RASSF8: variants seen among roughly 807,000 people sequenced by gnomAD.
The protein encoded by RASSF8 is Ras association domain family member 8.
In RASSF8, 22 loss-of-function variants were observed where a neutral mutation model predicts 48.5. The ratio of observed to expected loss-of-function variants is 0.45; its 90% CI spans 0.32 to 0.65. The LOEUF (loss-of-function observed/expected upper bound fraction) is 0.65. Ranked by LOEUF, RASSF8 falls within the 30% of genes least tolerant of loss-of-function variation. RASSF8 has a pLI of 0.03. For synonymous variants in RASSF8, 127 were observed against 171.5 expected (o/e 0.74, Z 2.03); for missense variants, 418 against 489.2 (o/e 0.85, Z 1.37).
chr12:26,059,187 G>A (rs1943684705), intron 3 of RASSF8, among the ~76,000 whole-genome samples: 1 of 152,104 alleles, frequency 6.6e-6, no homozygotes, highest in Admixed American at 6.6e-5. Context: ...TCTGCCCTCA[G>A]GCAGCTTAGA....
intron 1 of RASSF8, among the ~76,000 whole-genome samples, chr12:25,964,846 G>C (rs976997740): frequency 7.2e-5 from 11 of 152,120 alleles, no homozygotes; most frequent in African/African-American, 2.7e-4. Flanking sequence ...TTAAATGTCA[G>C]AATATCTTAT....
At chr12:26,030,300 T>G (rs1463904631) in intron 2 of RASSF8, among the ~76,000 whole-genome samples, 4 of 152,064 alleles carry the variant, frequency 2.6e-5, no homozygotes, top group Non-Finnish European at 5.9e-5. Context: ...GGTTTTTAAG[T>G]ATTTTCTGTG....
intron 3 of RASSF8, among the ~76,000 whole-genome samples, chr12:26,057,036 A>T (rs1056384021): frequency 6.6e-6 from 1 of 151,892 alleles, no homozygotes; most frequent in African/African-American, 2.4e-5. Flanking sequence ...AAAAAAAAGT[A>T]GTTTTTACAA....
intron 5 of RASSF8, among the ~76,000 whole-genome samples, chr12:26,078,837 C>A (rs576449978): frequency 3.8e-4 from 58 of 151,854 alleles, no homozygotes; most frequent in African/African-American, 1.4e-3. Flanking sequence ...GGACATTAAA[C>A]AAAAATAATT....
At chr12:25,985,303 A>C (rs1266643403) in intron 1 of RASSF8, among the ~76,000 whole-genome samples, 1 of 152,124 alleles carries the variant, frequency 6.6e-6, no homozygotes, top group African/African-American at 2.4e-5. Context: ...TATTATACCA[A>C]ATTATAGCTC....
chr12:25,963,239 GT>G (rs202041353), intron 1 of RASSF8, among the ~76,000 whole-genome samples: 11 of 138,688 alleles, frequency 7.9e-5, no homozygotes, highest in Admixed American at 7.6e-4. Context: ...GAGAGGAGGA[GT>G]TTTTTTTAAA....
At position 25,984,224 on chromosome 12, in the gene RASSF8, CT is replaced by C. The variant is rs57275940; in HGVS notation, c.-202-10787del. ...TACAGATGTGCACTGCTACACGTAGCTTTTTTTTTTTTTTTTTTTTTTTTTT... is the reference window on the plus strand; with the variant it reads ...TACAGATGTGCACTGCTACACGTAGCTTTTTTTTTTTTTTTTTTTTTTTTT... On this transcript the variant is annotated intron_variant, in intron 1 of 5. Transcript: ENST00000689635. 9.4e-3 allele frequency among the ~76,000 whole-genome samples: 815 copies of C among 86,716 alleles called. 3 individuals carry two copies. The highest frequency in any genetic ancestry group is 0.028 in the African/African-American group (615 of 22,150). The allele number at this position is 86,716 out of a possible 152,430, so 56.9% of individuals were successfully genotyped here. A position where few individuals can be genotyped will look rare whatever the true frequency, so the allele number is the denominator to read the frequency against.
At chr12:26,019,052 A>G (rs1294054163) in intron 2 of RASSF8, among the ~76,000 whole-genome samples, 1 of 152,194 alleles carries the variant, frequency 6.6e-6, no homozygotes, top group Non-Finnish European at 1.5e-5. Context: ...CATAGGTGGC[A>G]TGGGGATGGA....
At chr12:26,014,571 AT>A (rs1242484804) in intron 2 of RASSF8, among the ~76,000 whole-genome samples, 1 of 151,942 alleles carries the variant, frequency 6.6e-6, no homozygotes, top group African/African-American at 2.4e-5. Context: ...TCCATGTCAA[AT>A]TTTTTTTCAG....
intron 2 of RASSF8, among the ~76,000 whole-genome samples, chr12:26,039,827 A>C (rs185860314): frequency 6.6e-6 from 1 of 152,340 alleles, no homozygotes; most frequent in Admixed American, 6.5e-5. Flanking sequence ...TGTTTAAATA[A>C]AAGGTATAAC....
chr12:26,001,750 C>T (rs1485870820), intron 2 of RASSF8, among the ~76,000 whole-genome samples: 1 of 151,698 alleles, frequency 6.6e-6, no homozygotes, highest in Non-Finnish European at 1.5e-5. Flanking sequence ...TGGAATACCT[C>T]CTGAAGGACC....
At position 26,055,272 on chromosome 12, in the gene RASSF8, C is replaced by A; in HGVS notation, c.-72C>A. On this transcript the variant is annotated 5_prime_UTR_variant, in exon 3 of 6. Transcript: ENST00000689635. Reference sequence around the variant, plus strand: ...GACTTAGTCTTCTCCACTCCGTGTTCCTGCAGCTAGAGACATGACCTAACA... The same window carrying A: ...GACTTAGTCTTCTCCACTCCGTGTTACTGCAGCTAGAGACATGACCTAACA... The A allele has an allele frequency of 8.1e-7, 1 of 1,230,386 alleles. No homozygotes were observed. Among genetic ancestry groups the A allele is most frequent in the South Asian group, 1.2e-5 (1 of 82,904 alleles). The allele number at this position is 1,230,386 out of a possible 1,614,324, so 76.2% of individuals were successfully genotyped here.
intron 3 of RASSF8, among the ~76,000 whole-genome samples, chr12:26,060,688 T>G (rs1943723189): frequency 6.6e-6 from 1 of 152,196 alleles, no homozygotes; most frequent in African/African-American, 2.4e-5. Context: ...CACTAGAGTT[T>G]GCATAAGAGT....
chr12:25,983,190 A>T (rs1271735598), intron 1 of RASSF8, among the ~76,000 whole-genome samples: 1 of 152,248 alleles, frequency 6.6e-6, no homozygotes, highest in East Asian at 1.9e-4. Flanking sequence ...TAACTTTTAA[A>T]GAAATGGAAA....
chr12:26,023,799 T>G (rs1942842788), intron 2 of RASSF8, among the ~76,000 whole-genome samples: 1 of 152,194 alleles, frequency 6.6e-6, no homozygotes, highest in South Asian at 2.1e-4. Flanking sequence ...TAGATTTGAT[T>G]GTTGAGTTTT....
intron 2 of RASSF8, among the ~76,000 whole-genome samples, chr12:26,007,687 A>G (rs1185056853): frequency 1.3e-5 from 2 of 152,244 alleles, no homozygotes; most frequent in Non-Finnish European, 2.9e-5. Context: ...AAGCAAGTAC[A>G]GCCGAGTGTG....
intron 2 of RASSF8, among the ~76,000 whole-genome samples, chr12:26,035,951 A>G (rs1394294689): frequency 6.8e-6 from 1 of 146,786 alleles, no homozygotes; most frequent in Non-Finnish European, 1.5e-5. Context: ...ATATTTTTAT[A>G]TATTATATAT....
chr12:26,000,923 C>A (rs576543977), intron 2 of RASSF8, among the ~76,000 whole-genome samples: 1 of 150,900 alleles, frequency 6.6e-6, no homozygotes, highest in South Asian at 2.1e-4. Context: ...CATTATTGCA[C>A]TCTTCTGTAA....
At chr12:26,011,426 G>A (rs1942522115) in intron 2 of RASSF8, among the ~76,000 whole-genome samples, 1 of 152,186 alleles carries the variant, frequency 6.6e-6, no homozygotes, top group South Asian at 2.1e-4. Context: ...GAGAGTGGTA[G>A]ATGACTCTTC....
Sources: gnomAD v4.1 joint callset for allele counts (sites outside exome capture counted in the v4.1 genomes callset) on GRCh38, gnomAD v4.1.1 for gene constraint, MANE v1.5 for transcripts, NCBI Gene and HGNC (gene_info 2026-07-23, HGNC 2026-07-21) for gene names.